Variants in FUT8 observed in about 807,000 individuals in gnomAD.
FUT8 encodes alpha-(1,6)-fucosyltransferase.
In FUT8, 29 loss-of-function variants were observed where a neutral mutation model predicts 71.3. The ratio of observed to expected loss-of-function variants is 0.41; its 90% CI spans 0.30 to 0.55. FUT8 has a LOEUF of 0.55. FUT8 is among the 20% of genes least tolerant of loss of function. The pLI, the probability that FUT8 is intolerant of heterozygous loss-of-function variation, is 0.34. For missense variants in FUT8, 544 were observed against 702.1 expected, an observed-to-expected ratio of 0.77 and a Z score of 2.55; for synonymous variants, 254 against 239.3, an observed-to-expected ratio of 1.06 and a Z score of -0.57.
chr14:65,447,929 G>C (rs898061290), intron 1 of FUT8, among the ~76,000 whole-genome samples: 2 of 152,114 alleles, frequency 1.3e-5, no homozygotes, highest in African/African-American at 4.8e-5. Context: ...TTCTTGAAAG[G>C]CACGATAACC....
intron 6 of FUT8, among the ~76,000 whole-genome samples, chr14:65,657,906 T>C (rs1891763538): frequency 6.6e-6 from 1 of 152,086 alleles, no homozygotes; most frequent in Non-Finnish European, 1.5e-5. Flanking sequence ...TAAAAATACC[T>C]TATGTACCCC....
At chr14:65,668,567 A>G (rs1892324228) in intron 6 of FUT8, among the ~76,000 whole-genome samples, 2 of 152,156 alleles carry the variant, frequency 1.3e-5, no homozygotes, top group South Asian at 4.1e-4. Context: ...GAAAAGGGGC[A>G]TTTATACATT....
chr14:65,611,215 GCGCGCGCGCA>G lies in FUT8; in HGVS notation c.204-4761_204-4752del, dbSNP rs1566851056. ...CACACACACGCGCGCGCGCGCGCGC[GCGCGCGCGCA>G]CACACACACACACACACACACACAC... On this transcript the variant is annotated intron_variant, in intron 3 of 10. Coordinates refer to ENST00000673929, the MANE Select transcript of FUT8 (RefSeq NM_001371533.1). Among the ~76,000 whole-genome samples, 7 of 4,618 alleles carry G rather than the reference GCGCGCGCGCA, an allele frequency of 1.5e-3. 1 individual carries two copies. The highest frequency in any genetic ancestry group is 7.1e-3 in the Non-Finnish European group (6 of 842). The allele number at this position is 4,618 out of a possible 152,430, so 3.0% of individuals were successfully genotyped here. A position where few individuals can be genotyped will look rare whatever the true frequency, so the allele number is the denominator to read the frequency against.
rs1396468264 is a variant in FUT8, at chr14:65,552,643, T to C, written c.-227-8694T>C. Among the ~76,000 whole-genome samples, 3 of 152,216 alleles carry C rather than the reference T, an allele frequency of 2.0e-5. No homozygotes were observed. In the East Asian group the frequency reaches 5.8e-4, roughly 29 times the overall value. The stretch of plus-strand genomic sequence containing the variant: ...ATGGAGACTGCAGCTCATTGTCATT[T>C]CTTTTATTAATACTTCAAATGTGCT... On this transcript the variant is annotated intron_variant, in intron 2 of 10. Coordinates refer to ENST00000673929, the MANE Select transcript of FUT8 (RefSeq NM_001371533.1).
chr14:65,403,408 T>G, the FUT8 span, among the ~76,000 whole-genome samples: 6 of 152,336 alleles, frequency 3.9e-5, no homozygotes, highest in East Asian at 1.2e-3. Flanking sequence ...CCATGGAAAC[T>G]AGAAGATCCT....
the FUT8 span, among the ~76,000 whole-genome samples, chr14:65,392,227 C>T: frequency 3.9e-5 from 6 of 152,314 alleles, no homozygotes; most frequent in South Asian, 2.1e-4. Flanking sequence ...CCACCGCGCC[C>T]GGCTAACTTT....
intron 2 of FUT8, among the ~76,000 whole-genome samples, chr14:65,553,740 A>G (rs1032569603): frequency 5.3e-5 from 8 of 150,316 alleles, no homozygotes; most frequent in Non-Finnish European, 1.2e-4. Context: ...TTTAAAGATG[A>G]TGCTCCATTG....
intron 3 of FUT8, among the ~76,000 whole-genome samples, chr14:65,577,985 A>C (rs1886882971): frequency 6.6e-6 from 1 of 152,096 alleles, no homozygotes; most frequent in South Asian, 2.1e-4. Flanking sequence ...CACTACCCAG[A>C]CCTCTAGGGA....
At chr14:65,406,354 A>T (rs117545952), upstream of FUT8, among the ~76,000 whole-genome samples, 877 of 152,354 alleles carry the variant, frequency 5.8e-3, 34 homozygotes, top group East Asian at 0.092. Flanking sequence ...GTCAGATTGT[A>T]ACTGAGCACT....
chr14:65,587,517 T>A (rs1887457487), intron 3 of FUT8, among the ~76,000 whole-genome samples: 1 of 152,168 alleles, frequency 6.6e-6, no homozygotes, highest in East Asian at 1.9e-4. Context: ...AAATAGTATG[T>A]GTGTGTATAG....
intron 2 of FUT8, among the ~76,000 whole-genome samples, chr14:65,499,848 A>G (rs1194594523): frequency 6.6e-6 from 1 of 151,870 alleles, no homozygotes; most frequent in African/African-American, 2.4e-5. Context: ...AGCAAATAGT[A>G]TGTGTTGAAT....
At chr14:65,391,008 G>C in the FUT8 span, among the ~76,000 whole-genome samples, 1 of 152,178 alleles carries the variant, frequency 6.6e-6, no homozygotes, top group African/African-American at 2.4e-5. Context: ...TTACAGGCAT[G>C]AGCCACTGCG....
chr14:65,556,460 A>G (rs1337278766), intron 2 of FUT8, among the ~76,000 whole-genome samples: 2 of 152,174 alleles, frequency 1.3e-5, no homozygotes, highest in Non-Finnish European at 2.9e-5. Flanking sequence ...TCCTTTCCAC[A>G]TGGGCCTCTC....
chr14:65,583,235 G>A (rs1318829197), intron 3 of FUT8, among the ~76,000 whole-genome samples: 4 of 151,912 alleles, frequency 2.6e-5, no homozygotes, highest in Admixed American at 2.6e-4. Flanking sequence ...GAGTGCAGTG[G>A]TGTAATCACT....
At position 65,710,074 on chromosome 14, in the gene FUT8, C is replaced by T. The variant is rs554085324; in HGVS notation, c.836-11701C>T. Among the ~76,000 whole-genome samples, 51 of 152,258 alleles carry T rather than the reference C, an allele frequency of 3.3e-4. 1 individual carries two copies. The South Asian group carries it at 1.0e-2, about 30-fold the overall frequency. ...AAAAGCAGTTATTACCCTTTAAAAC[C>T]TCACTAATAATCTCCCTTTTTAACC... On this transcript the variant is annotated intron_variant, in intron 7 of 10. Coordinates refer to ENST00000673929, the MANE Select transcript of FUT8 (RefSeq NM_001371533.1).
intron 1 of FUT8, among the ~76,000 whole-genome samples, chr14:65,431,292 C>T (rs1189861870): frequency 9.7e-5 from 12 of 123,394 alleles, no homozygotes; most frequent in African/African-American, 2.4e-4. Flanking sequence ...TGAGCCACTG[C>T]GCCGGCCTTT....
intron 2 of FUT8, among the ~76,000 whole-genome samples, chr14:65,470,611 A>G (rs1288459143): frequency 6.6e-6 from 1 of 152,140 alleles, no homozygotes; most frequent in African/African-American, 2.4e-5. Flanking sequence ...CAGAGCAGAT[A>G]ACTGTCCGGC....
At chr14:65,661,283 G>A (rs968107486) in intron 6 of FUT8, among the ~76,000 whole-genome samples, 3 of 151,724 alleles carry the variant, frequency 2.0e-5, no homozygotes, top group African/African-American at 7.3e-5. Context: ...AAATCGATAA[G>A]GGCAGTGGAC....
At position 65,675,975 on chromosome 14, in the gene FUT8, C is replaced by T. The variant is rs534378256; in HGVS notation, c.835+6495C>T. Reference sequence around the variant, plus strand: ...TCGCGCCACTGCACTCCAGCCTGAGCGAGAGAGCAAGACTCTGTTTCAAAA... The same window carrying T: ...TCGCGCCACTGCACTCCAGCCTGAGTGAGAGAGCAAGACTCTGTTTCAAAA... On this transcript the variant is annotated intron_variant, in intron 7 of 10. Transcript: ENST00000673929. Among the ~76,000 whole-genome samples the T allele has an allele frequency of 9.2e-4, 140 of 152,036 alleles. 1 individual carries two copies. The highest frequency in any genetic ancestry group is 9.0e-3 in the Admixed American group (137 of 15,276).
Sources: gnomAD v4.1 joint callset for allele counts (sites outside exome capture counted in the v4.1 genomes callset) on GRCh38, gnomAD v4.1.1 for gene constraint, MANE v1.5 for transcripts, NCBI Gene and HGNC (gene_info 2026-07-23, HGNC 2026-07-21) for gene names.